Variants in BCAS1 observed in about 807,000 individuals in gnomAD.
The protein encoded by BCAS1 is brain enriched myelin associated protein 1.
In BCAS1, 46 loss-of-function variants were observed where a neutral mutation model predicts 65.4. That is an observed-to-expected ratio of 0.70 (90% CI 0.55 to 0.90). The LOEUF (loss-of-function observed/expected upper bound fraction) is 0.90, where lower values mean the gene tolerates loss of function less well. Among genes scored for constraint, BCAS1 ranks in the 40% least tolerant of loss-of-function variants. The pLI, the probability that BCAS1 is intolerant of heterozygous loss-of-function variation, is 0.00. For missense variants in BCAS1, 793 were observed against 771.2 expected, an observed-to-expected ratio of 1.03 and a Z score of -0.33; for synonymous variants, 298 against 293.5, an observed-to-expected ratio of 1.02 and a Z score of -0.16.
intron 4 of BCAS1, among the ~76,000 whole-genome samples, chr20:54,010,670 T>C (rs1357529933): frequency 4.6e-5 from 7 of 152,188 alleles, no homozygotes; most frequent in South Asian, 2.1e-4. Context: ...CTGCCCCAAA[T>C]TGATATACAG....
chr20:54,016,638 T>C (rs769201906), intron 4 of BCAS1, among the ~76,000 whole-genome samples: 3 of 152,214 alleles, frequency 2.0e-5, no homozygotes, highest in Non-Finnish European at 4.4e-5. Flanking sequence ...ACAAGCTTCT[T>C]AGTGGTCCAG....
chr20:54,029,504 A>AG (rs2091755429), intron 3 of BCAS1, among the ~76,000 whole-genome samples: 1 of 152,202 alleles, frequency 6.6e-6, no homozygotes, highest in African/African-American at 2.4e-5. Flanking sequence ...AAATATCTCT[A>AG]GGCATTGCTA....
chr20:54,050,452 A>C (rs946585110), intron 3 of BCAS1, among the ~76,000 whole-genome samples: 6 of 152,192 alleles, frequency 3.9e-5, no homozygotes, highest in Non-Finnish European at 5.9e-5. Flanking sequence ...TGCACTCCCT[A>C]GTGTATGCAC....
chr20:54,018,792 A>G (rs1281393708), intron 4 of BCAS1, among the ~76,000 whole-genome samples: 4 of 152,220 alleles, frequency 2.6e-5, no homozygotes, highest in African/African-American at 7.2e-5. Flanking sequence ...TTGATTCTCA[A>G]CTGTACCCAA....
At chr20:54,044,942 G>A (rs958277182) in intron 3 of BCAS1, among the ~76,000 whole-genome samples, 2 of 151,956 alleles carry the variant, frequency 1.3e-5, no homozygotes, top group African/African-American at 4.8e-5. Flanking sequence ...GGAGTGCTGT[G>A]ACTCGTGCCT....
intron 4 of BCAS1, among the ~76,000 whole-genome samples, chr20:54,024,045 C>A (rs1247329771): frequency 6.6e-6 from 1 of 152,190 alleles, no homozygotes; most frequent in African/African-American, 2.4e-5. Flanking sequence ...TGGCCTATCT[C>A]ATTTAACTTC....
intron 3 of BCAS1, among the ~76,000 whole-genome samples, chr20:54,049,933 T>C (rs2092181225): frequency 6.6e-6 from 1 of 152,212 alleles, no homozygotes; most frequent in South Asian, 2.1e-4. Flanking sequence ...TATGGTTCCA[T>C]TTCCGATTGC....
At chr20:53,989,447 A>G (rs1242724077) in intron 7 of BCAS1, among the ~76,000 whole-genome samples, 2 of 152,202 alleles carry the variant, frequency 1.3e-5, no homozygotes, top group Non-Finnish European at 2.9e-5. Flanking sequence ...CTTGGTCATG[A>G]TTACGTCCCC....
In BCAS1 at chr20:54,058,698, A is replaced by G. The variant is rs1242756679; in HGVS notation, c.21T>C (p.Val7=). Residue 7 remains valine (V), a synonymous_variant, in exon 2 of 13, where the codon GTT becomes GTC. Coordinates refer to ENST00000688948, the MANE Select transcript of BCAS1 (RefSeq NM_001366298.2). ...TCTCTTGGTCTTCAACTCTTTGGGG[A>G]ACACTCATTTGGTTACCCATTGCTC... MGNQMS[V]PQRVEDQENE... 1 of 1,603,158 alleles carries G rather than the reference A, an allele frequency of 6.2e-7. No homozygotes were observed. The highest frequency in any genetic ancestry group is 1.4e-5 in the African/African-American group (1 of 73,448).
chr20:54,049,590 T>C (rs796434405), intron 3 of BCAS1, among the ~76,000 whole-genome samples: 6 of 151,344 alleles, frequency 4.0e-5, no homozygotes, highest in African/African-American at 1.5e-4. Flanking sequence ...TTTTTTTAAA[T>C]AGAGATGGGG....
intron 6 of BCAS1, among the ~76,000 whole-genome samples, chr20:53,992,863 A>G (rs913621378): frequency 6.6e-6 from 1 of 152,156 alleles, no homozygotes; most frequent in Non-Finnish European, 1.5e-5. Flanking sequence ...TGACCTATTT[A>G]AATGACCCAG....
chr20:53,971,176 T>A (rs2090169618), intron 9 of BCAS1, among the ~76,000 whole-genome samples: 1 of 152,368 alleles, frequency 6.6e-6, no homozygotes, highest in South Asian at 2.1e-4. Context: ...TGCCCATTGA[T>A]GTGTGACTTG....
intron 3 of BCAS1, among the ~76,000 whole-genome samples, chr20:54,031,093 A>G (rs2091790157): frequency 6.6e-6 from 1 of 151,376 alleles, no homozygotes; most frequent in Admixed American, 6.6e-5. Flanking sequence ...AAGAGCACCA[A>G]CTTATATCTT....
At chr20:54,041,302 TA>T (rs1307934024) in intron 3 of BCAS1, among the ~76,000 whole-genome samples, 2 of 151,356 alleles carry the variant, frequency 1.3e-5, no homozygotes, top group African/African-American at 4.8e-5. Flanking sequence ...ATTGTCACTC[TA>T]AAAGGTGAAT....
At chr20:54,062,252 G>A (rs2092385062) in intron 1 of BCAS1, among the ~76,000 whole-genome samples, 1 of 152,162 alleles carries the variant, frequency 6.6e-6, no homozygotes, top group Non-Finnish European at 1.5e-5. Context: ...TCATAGAAAT[G>A]ATAGAGTAAT....
chr20:54,064,230 C>T (rs1007336787), intron 1 of BCAS1, among the ~76,000 whole-genome samples: 11 of 152,304 alleles, frequency 7.2e-5, no homozygotes, highest in African/African-American at 2.6e-4. Context: ...TGGGGCTGGG[C>T]ATCGGGGTAC....
rs747344130 is a variant in BCAS1, at chr20:53,943,574, AAAAG to A, written c.*1344_*1347del. ...TAAATGTATTTTTTATTAAATCAGA[AAAAG>A]AAAGATACAGTTTACATGACTGTCA... On this transcript the variant is annotated 3_prime_UTR_variant, in exon 13 of 13. Coordinates refer to ENST00000688948, the MANE Select transcript of BCAS1 (RefSeq NM_001366298.2). The A allele has an allele frequency of 2.0e-5, 3 of 152,252 alleles. No homozygotes were observed. Among genetic ancestry groups the A allele is most frequent in the Non-Finnish European group, 2.9e-5 (2 of 68,042 alleles). The allele number at this position is 152,252 out of a possible 1,614,324, so 9.4% of individuals were successfully genotyped here.
chr20:54,048,622 G>A (rs185867748), intron 3 of BCAS1, among the ~76,000 whole-genome samples: 290 of 152,306 alleles, frequency 1.9e-3, no homozygotes, highest in Non-Finnish European at 3.5e-3. Flanking sequence ...TGACACAATT[G>A]GCTCATGTAC....
chr20:54,058,992 C>A lies in BCAS1; in HGVS notation c.-5-269G>T, dbSNP rs138017518. Among the ~76,000 whole-genome samples the A allele has an allele frequency of 2.2e-3, 331 of 152,250 alleles. 2 individuals carry two copies. Among genetic ancestry groups the A allele is most frequent in the African/African-American group, 7.7e-3 (318 of 41,534 alleles). On this transcript the variant is annotated intron_variant, in intron 1 of 12. Coordinates refer to ENST00000688948, the MANE Select transcript of BCAS1 (RefSeq NM_001366298.2). ...AAACTTACAATCGTGGCAGAAGACA[C>A]CTCTCCACAGGACACCAGAAGAATG...
Sources: allele counts gnomAD v4.1 joint callset (sites outside exome capture counted in the v4.1 genomes callset), GRCh38; gene constraint gnomAD v4.1.1; transcripts MANE v1.5; gene names NCBI Gene and HGNC (gene_info 2026-07-23, HGNC 2026-07-21).